Variants in GAB2 observed in about 807,000 individuals in gnomAD.
GAB2 encodes GRB2 associated binding protein 2.
GAB2 carries 26 observed loss-of-function variants against 65.5 expected under a neutral mutation model. That is an observed-to-expected ratio of 0.40 (90% CI 0.29 to 0.55). GAB2 has a LOEUF of 0.55. GAB2 is among the 20% of genes least tolerant of loss of function. The pLI, the probability that GAB2 is intolerant of heterozygous loss-of-function variation, is 0.53. For missense variants in GAB2, 884 were observed against 875.8 expected (o/e 1.01, Z -0.12); for synonymous variants, 321 against 329.6 (o/e 0.97, Z 0.28).
In GAB2 at chr11:78,226,620, G is replaced by GGGGGCGC; in HGVS notation, c.1051_1052insGCGCCCC (p.Pro351ArgfsTer29). The GGGGGCGC allele has an allele frequency of 6.7e-7, 1 of 1,500,584 alleles. No homozygotes were observed. The highest frequency in any genetic ancestry group is 9.3e-7 in the Non-Finnish European group (1 of 1,079,044). The allele number at this position is 1,500,584 out of a possible 1,614,324, so 93.0% of individuals were successfully genotyped here. On this transcript the variant is annotated frameshift_variant, in exon 4 of 10. Transcript: ENST00000361507. LOFTEE classifies it high-confidence loss of function. ...ACTTGGCTTGGGGGGGCGGGGTGGG[G>GGGGGCGC]GAGCTATGGCTGAGTCCCCAGGAGT...
At chr11:78,307,614 G>GAGAGAGAGAGAGAC (rs1855394489) in intron 1 of GAB2, among the ~76,000 whole-genome samples, 1 of 149,592 alleles carries the variant, frequency 6.7e-6, no homozygotes, top group African/African-American at 2.5e-5. Context: ...TAGAGAGAGA[G>GAGAGAGAGAGAGAC]AGAGAGAGAG....
chr11:78,400,169 T>C (rs1856950901), intron 1 of GAB2, among the ~76,000 whole-genome samples: 1 of 152,180 alleles, frequency 6.6e-6, no homozygotes, highest in African/African-American at 2.4e-5. Context: ...CTGGATGGAA[T>C]TTTACTGGCC....
At chr11:78,375,649 G>A (rs1040665346) in intron 1 of GAB2, among the ~76,000 whole-genome samples, 1 of 151,978 alleles carries the variant, frequency 6.6e-6, no homozygotes, top group Non-Finnish European at 1.5e-5. Context: ...CTAGAATCAG[G>A]TAGTAATCTG....
chr11:78,322,797 T>TA (rs34497179), intron 1 of GAB2, among the ~76,000 whole-genome samples: 7,409 of 117,740 alleles, frequency 0.063, 539 homozygotes, highest in African/African-American at 0.2. Flanking sequence ...TACTGAAAAG[T>TA]AAAAAAAAAA....
intron 1 of GAB2, among the ~76,000 whole-genome samples, chr11:78,309,971 T>TGCGCGC (rs1330078501): frequency 2.8e-4 from 34 of 120,124 alleles, no homozygotes; most frequent in African/African-American, 1.1e-3. Flanking sequence ...TGTGTGTGTG[T>TGCGCGC]GCGCGCGCGC....
chr11:78,275,435 T>TA (rs150524849), intron 2 of GAB2, among the ~76,000 whole-genome samples: 10,441 of 148,878 alleles, frequency 0.07, 1,098 homozygotes, highest in African/African-American at 0.23. Flanking sequence ...AATTCTCAGT[T>TA]AAAAAAAAAA....
Position 78,417,641 on chromosome 11 carries a change from C to A in GAB2, c.75+5G>T. 7.3e-7 allele frequency: 1 copy of A among 1,368,460 alleles called. No homozygotes were observed. Among genetic ancestry groups the A allele is most frequent in the Non-Finnish European group, 9.6e-7 (1 of 1,036,706 alleles). The allele number at this position is 1,368,460 out of a possible 1,614,324, so 84.8% of individuals were successfully genotyped here. On this transcript the variant is annotated splice_donor_5th_base_variant and intron_variant, in intron 1 of 9. Transcript: ENST00000361507. ...CCGCCCCTGGGCGGCCGCGCCCGCACTCACATAGCGCCTCAACTTCTTCTC... is the reference window on the plus strand; with the variant it reads ...CCGCCCCTGGGCGGCCGCGCCCGCAATCACATAGCGCCTCAACTTCTTCTC...
intron 2 of GAB2, among the ~76,000 whole-genome samples, chr11:78,264,325 G>A (rs1248428808): frequency 2.0e-5 from 3 of 151,608 alleles, no homozygotes; most frequent in Admixed American, 6.6e-5. Flanking sequence ...CAGAGATCTA[G>A]GATGGCTTTT....
At chr11:78,262,134 C>T (rs1467927361) in intron 2 of GAB2, among the ~76,000 whole-genome samples, 1 of 152,096 alleles carries the variant, frequency 6.6e-6, no homozygotes, top group Non-Finnish European at 1.5e-5. Context: ...GATGGCTAGG[C>T]TAGGATTCAA....
chr11:78,235,587 C>T (rs140407524), intron 3 of GAB2, among the ~76,000 whole-genome samples: 2,416 of 152,250 alleles, frequency 0.016, 79 homozygotes, highest in African/African-American at 0.056. Context: ...AAATTTCTTC[C>T]GCCAGATACC....
rs563689169 is a variant in GAB2, at chr11:78,272,472, C to T, written c.376+8129G>A. ...CAAAGAGGCTGGAAGCATTTTACCC[C>T]TGCCCTAGAGATTTGTGGAACTTTG... On this transcript the variant is annotated intron_variant, in intron 2 of 9. Coordinates refer to ENST00000361507, the MANE Select transcript of GAB2 (RefSeq NM_080491.3). Among the ~76,000 whole-genome samples the T allele has an allele frequency of 5.9e-5, 9 of 152,294 alleles. No homozygotes were observed. In the South Asian group the frequency reaches 1.9e-3, roughly 32 times the overall value.
chr11:78,269,944 G>A (rs945254837), intron 2 of GAB2, among the ~76,000 whole-genome samples: 3 of 152,198 alleles, frequency 2.0e-5, no homozygotes, highest in Non-Finnish European at 4.4e-5. Context: ...ATCTCCAAGA[G>A]TTACAAAATG....
chr11:78,378,072 C>T (rs915418478), intron 1 of GAB2, among the ~76,000 whole-genome samples: 1 of 152,184 alleles, frequency 6.6e-6, no homozygotes, highest in African/African-American at 2.4e-5. Context: ...AATTCCCTGG[C>T]CATAATGGCT....
chr11:78,296,998 A>G (rs1158832750), intron 1 of GAB2, among the ~76,000 whole-genome samples: 1 of 152,158 alleles, frequency 6.6e-6, no homozygotes, highest in Non-Finnish European at 1.5e-5. Context: ...ATCACCTCCC[A>G]AAGGCCCCAC....
At chr11:78,308,659 A>G (rs1855422959) in intron 1 of GAB2, among the ~76,000 whole-genome samples, 1 of 152,252 alleles carries the variant, frequency 6.6e-6, no homozygotes, top group Non-Finnish European at 1.5e-5. Context: ...AAAAATAAAC[A>G]GAACTAACAA....
chr11:78,269,787 T>C (rs1378509781), intron 2 of GAB2, among the ~76,000 whole-genome samples: 1 of 152,202 alleles, frequency 6.6e-6, no homozygotes, highest in African/African-American at 2.4e-5. Context: ...GGGGAAGATA[T>C]AAAGAAGAGT....
intron 1 of GAB2, among the ~76,000 whole-genome samples, chr11:78,413,796 C>A (rs371706981): frequency 6.6e-6 from 1 of 152,058 alleles, no homozygotes; most frequent in South Asian, 2.1e-4. Context: ...AAGAAAGGAA[C>A]CATGCAGGCT....
chr11:78,285,800 C>G (rs114766839), intron 1 of GAB2, among the ~76,000 whole-genome samples: 1 of 152,164 alleles, frequency 6.6e-6, no homozygotes, highest in Non-Finnish European at 1.5e-5. Flanking sequence ...CAATTCAGAA[C>G]CAAGTACAAA....
chr11:78,345,834 C>T (rs1856170792), intron 1 of GAB2, among the ~76,000 whole-genome samples: 1 of 152,142 alleles, frequency 6.6e-6, no homozygotes, highest in Non-Finnish European at 1.5e-5. Context: ...GTGGGAGACA[C>T]CGACTGTCCT....
Sources: allele counts gnomAD v4.1 joint callset (sites outside exome capture counted in the v4.1 genomes callset), GRCh38; gene constraint gnomAD v4.1.1; transcripts MANE v1.5; gene names NCBI Gene and HGNC (gene_info 2026-07-23, HGNC 2026-07-21).